The following AGTPBP1 variants were observed in gnomAD, a reference collection of about 807,000 sequenced individuals.
AGTPBP1 encodes the protein ATP/GTP binding carboxypeptidase 1, also known as cytosolic carboxypeptidase 1.
Under a neutral mutation model 143.9 loss-of-function variants are expected in AGTPBP1, and 70 were observed. That is an observed-to-expected ratio of 0.49 (90% CI 0.40 to 0.59). AGTPBP1 has a LOEUF of 0.59. Ranked by LOEUF, AGTPBP1 falls within the 20% of genes least tolerant of loss-of-function variation. AGTPBP1 has a pLI of 0.00. For missense variants in AGTPBP1, 1,229 were observed against 1,464.5 expected (o/e 0.84, Z 2.62); for synonymous variants, 463 against 500.2 (o/e 0.93, Z 0.99).
At chr9:85,592,135 C>A (rs1775574523) in intron 19 of AGTPBP1, among the ~76,000 whole-genome samples, 1 of 151,836 alleles carries the variant, frequency 6.6e-6, no homozygotes, top group Non-Finnish European at 1.5e-5. Flanking sequence ...ATTCTATTTT[C>A]TATGAGATTC....
At chr9:85,798,322 GTTT>G in the AGTPBP1 span, among the ~76,000 whole-genome samples, 1 of 149,864 alleles carries the variant, frequency 6.7e-6, no homozygotes, top group South Asian at 2.1e-4. Context: ...ATTTTGACAT[GTTT>G]TCTGGCTTTC....
intron 1 of AGTPBP1, among the ~76,000 whole-genome samples, chr9:85,724,286 CAA>C (rs56269636): frequency 0.097 from 7,541 of 77,694 alleles, 246 homozygotes; most frequent in East Asian, 0.23. Context: ...GACTTTGTCT[CAA>C]AAAAAAAAAA....
At chr9:85,776,857 T>C in the AGTPBP1 span, among the ~76,000 whole-genome samples, 7 of 152,150 alleles carry the variant, frequency 4.6e-5, no homozygotes, top group African/African-American at 1.7e-4. Context: ...GGGGTGATGA[T>C]GGGTGGTGCC....
chr9:85,693,211 C>CTAG (rs1835995717), intron 2 of AGTPBP1, among the ~76,000 whole-genome samples: 3 of 152,168 alleles, frequency 2.0e-5, no homozygotes, highest in Non-Finnish European at 2.9e-5. Context: ...TGGTATAAAT[C>CTAG]CAGCAAGAAT....
intron 3 of AGTPBP1, among the ~76,000 whole-genome samples, chr9:85,687,357 A>T (rs1587902571): frequency 6.6e-6 from 1 of 152,192 alleles, no homozygotes; most frequent in African/African-American, 2.4e-5. Context: ...TCTGAACAAC[A>T]CTATCAACTA....
chr9:85,621,274 G>T lies in AGTPBP1; in HGVS notation c.2027C>A (p.Ala676Asp). The T allele has an allele frequency of 6.9e-7, 1 of 1,441,538 alleles. No homozygotes were observed. The highest frequency in any genetic ancestry group is 9.1e-7 in the Non-Finnish European group (1 of 1,098,956). 89.3% of individuals were successfully genotyped at this position (1,441,538 alleles called of 1,614,324 possible). A position where few individuals can be genotyped will look rare whatever the true frequency, so the allele number is the denominator to read the frequency against. ...ATGTATTAGCCTTTCAATATCTTGA[G>T]CAATTTTTGTCCTGAAATCATAAAG... Reference protein sequence around the residue: ...RPYGVQRTKIAQDIERLIHQS... With the variant: ...RPYGVQRTKIDQDIERLIHQS... The change falls in exon 15 of 26, where the codon GCT (alanine) becomes GAT (aspartate). Residue 676 changes from alanine to aspartate, a missense_variant. Ala to Asp is a moderately radical substitution (Grantham distance 126). This residue lies in a region of AGTPBP1 where 743 missense variants were observed against 812.2 expected (regional missense o/e 0.91). Coordinates refer to ENST00000357081, the MANE Select transcript of AGTPBP1 (RefSeq NM_001330701.2).
intron 14 of AGTPBP1, among the ~76,000 whole-genome samples, chr9:85,625,905 T>TTG (rs1491511788): frequency 2.0e-4 from 6 of 30,388 alleles, no homozygotes; most frequent in Admixed American, 1.1e-3. Flanking sequence ...CCTAGTTTTG[T>TTG]TTTTTTTTTT....
rs202080820 is a variant in AGTPBP1, at chr9:85,655,312, C to T, written c.918G>A (p.Leu306=). Residue 306 remains leucine (L), a synonymous_variant, in exon 11 of 26, where the codon CTG becomes CTA. Coordinates refer to ENST00000357081, the MANE Select transcript of AGTPBP1 (RefSeq NM_001330701.2). ...CAAGAGGATCCAGAGTCCTGACTGC[C>T]AGACATTCCTGTTTTTTAAAAAAAG... The part of the protein sequence containing the change: ...KILYNTSQEC[L]AVRTLDPLVN... 373 of 1,507,334 alleles carry T rather than the reference C, an allele frequency of 2.5e-4. No homozygotes were observed. The highest frequency in any genetic ancestry group is 2.9e-4 in the Non-Finnish European group (322 of 1,129,452). 93.4% of individuals were successfully genotyped at this position (1,507,334 alleles called of 1,614,324 possible). A position where few individuals can be genotyped will look rare whatever the true frequency, so the allele number is the denominator to read the frequency against.
chr9:85,705,687 A>G lies in AGTPBP1; in HGVS notation c.32+6815T>C, dbSNP rs1166807443. On this transcript the variant is annotated intron_variant, in intron 2 of 25. Coordinates refer to ENST00000357081, the MANE Select transcript of AGTPBP1 (RefSeq NM_001330701.2). The stretch of plus-strand genomic sequence containing the variant: ...CAAAGGTTAGAGAGAGGGGAAGTGG[A>G]AGGTTTTTTTGGGTTTTTTTTGAGA... Among the ~76,000 whole-genome samples the G allele has an allele frequency of 2.6e-5, 4 of 151,980 alleles. No homozygotes were observed. In the East Asian group the frequency reaches 5.8e-4, roughly 22 times the overall value.
the AGTPBP1 span, among the ~76,000 whole-genome samples, chr9:85,786,857 T>C: frequency 2.6e-5 from 4 of 152,232 alleles, no homozygotes; most frequent in African/African-American, 9.6e-5. Context: ...TTTCCAGGCA[T>C]ATTTGAAGAA....
intron 10 of AGTPBP1, among the ~76,000 whole-genome samples, chr9:85,656,618 A>G (rs2767014): frequency 0.5 from 76,412 of 151,708 alleles, 21,942 homozygotes; most frequent in East Asian, 0.86. Flanking sequence ...AAAAAAAGAG[A>G]GGGGGTTGCA....
chr9:85,613,923 C>T (rs550095470), intron 17 of AGTPBP1, among the ~76,000 whole-genome samples: 3 of 151,894 alleles, frequency 2.0e-5, no homozygotes, highest in Non-Finnish European at 4.4e-5. Flanking sequence ...TTCCTAAAAT[C>T]CAAGGGTGGC....
intron 25 of AGTPBP1, among the ~76,000 whole-genome samples, chr9:85,571,056 A>AG (rs1201402506): frequency 6.6e-6 from 1 of 152,234 alleles, no homozygotes; most frequent in Admixed American, 6.5e-5. Flanking sequence ...CAGAATTTTT[A>AG]GGTTATGTCT....
At chr9:85,553,536 T>C (rs1826157193) in intron 25 of AGTPBP1, among the ~76,000 whole-genome samples, 1 of 152,216 alleles carries the variant, frequency 6.6e-6, no homozygotes, top group Non-Finnish European at 1.5e-5. Flanking sequence ...ACTTACGGTA[T>C]TTTCAGCTTA....
intron 2 of AGTPBP1, among the ~76,000 whole-genome samples, chr9:85,700,386 A>AAG (rs202156064): frequency 0.017 from 2,547 of 152,282 alleles, 26 homozygotes; most frequent in Middle Eastern, 0.054. Context: ...AGAGGAAAAA[A>AAG]AGAGAGATGT....
chr9:85,773,442 G>T, the AGTPBP1 span, among the ~76,000 whole-genome samples: 100 of 138,678 alleles, frequency 7.2e-4, no homozygotes, highest in Non-Finnish European at 1.2e-3. Flanking sequence ...CAAGCCATTC[G>T]CCTGCTTCAG....
chr9:85,578,700 C>T (rs890744841), intron 24 of AGTPBP1, among the ~76,000 whole-genome samples: 1 of 152,072 alleles, frequency 6.6e-6, no homozygotes, highest in Non-Finnish European at 1.5e-5. Context: ...CCAAGAATTT[C>T]TTAAGGATCC....
In AGTPBP1 at chr9:85,592,723, A is replaced by G. The variant is rs1564042145; in HGVS notation, c.2424-19T>C. The G allele has an allele frequency of 6.2e-7, 1 of 1,605,072 alleles. No homozygotes were observed. Among genetic ancestry groups the G allele is most frequent in the Non-Finnish European group, 8.5e-7 (1 of 1,177,096 alleles). ...ATGATTTCTGCAATAAAAACGCATA[A>G]AACATGTTCATTTCATCCACATGAA... On this transcript the variant is annotated intron_variant, in intron 18 of 25. Transcript: ENST00000357081.
At position 85,636,369 on chromosome 9, in the gene AGTPBP1, C is replaced by A. The variant is rs114324970; in HGVS notation, c.1303-2995G>T. On this transcript the variant is annotated intron_variant, in intron 13 of 25. Coordinates refer to ENST00000357081, the MANE Select transcript of AGTPBP1 (RefSeq NM_001330701.2). ...CTCCAACTCCCTGGTTCAAGCAATTCTCTCTGCCTTAGCTTCCCGAGTAGC... is the reference window on the plus strand; with the variant it reads ...CTCCAACTCCCTGGTTCAAGCAATTATCTCTGCCTTAGCTTCCCGAGTAGC... Among the ~76,000 whole-genome samples, 707 of 147,534 alleles carry A rather than the reference C, an allele frequency of 4.8e-3. 4 individuals are homozygous for A. The highest frequency in any genetic ancestry group is 0.017 in the African/African-American group (665 of 39,988).
Sources: allele counts gnomAD v4.1 joint callset (sites outside exome capture counted in the v4.1 genomes callset), GRCh38; gene constraint gnomAD v4.1.1; regional missense constraint gnomAD v4.1.1; transcripts MANE v1.5; gene names NCBI Gene and HGNC (gene_info 2026-07-23, HGNC 2026-07-21).